Variants in SHISA6 observed in about 807,000 individuals in gnomAD.
The protein encoded by SHISA6 is shisa family member 6.
SHISA6 carries 22 observed loss-of-function variants against 47.9 expected under a neutral mutation model. That is an observed-to-expected ratio of 0.46 (90% CI 0.33 to 0.66). The LOEUF (loss-of-function observed/expected upper bound fraction) is 0.66. SHISA6 is among the 30% of genes least tolerant of loss of function. The pLI, the probability that SHISA6 is intolerant of heterozygous loss-of-function variation, is 0.02. For missense variants in SHISA6, 680 were observed against 764.6 expected (o/e 0.89, Z 1.30); for synonymous variants, 388 against 337.8 (o/e 1.15, Z -1.63).
At chr17:11,357,464 A>C (rs1225199763) in intron 2 of SHISA6, among the ~76,000 whole-genome samples, 1 of 152,176 alleles carries the variant, frequency 6.6e-6, no homozygotes, top group African/African-American at 2.4e-5. Context: ...ATTACATCCC[A>C]AAAAATGCCT....
At chr17:11,356,927 G>T (rs1027181538) in intron 2 of SHISA6, among the ~76,000 whole-genome samples, 16 of 152,160 alleles carry the variant, frequency 1.1e-4, no homozygotes, top group African/African-American at 3.9e-4. Context: ...AAGATGGCAA[G>T]ATTGGAAGGC....
intron 3 of SHISA6, among the ~76,000 whole-genome samples, chr17:11,432,057 C>G (rs1209758009): frequency 1.3e-5 from 2 of 152,154 alleles, no homozygotes; most frequent in African/African-American, 4.8e-5. Flanking sequence ...CAAAAAGATT[C>G]AAACTCACCC....
intron 2 of SHISA6, among the ~76,000 whole-genome samples, chr17:11,366,344 T>C (rs1172729288): frequency 6.6e-6 from 1 of 152,202 alleles, no homozygotes; most frequent in African/African-American, 2.4e-5. Context: ...TTCGCCTTGT[T>C]GCCCAGGCAG....
chr17:11,534,157 C>CTTTT (rs373384700), intron 3 of SHISA6, among the ~76,000 whole-genome samples: 13 of 93,190 alleles, frequency 1.4e-4, no homozygotes, highest in African/African-American at 3.5e-4. Flanking sequence ...TCTTTTTTTT[C>CTTTT]TTTTTTTTTT....
At position 11,564,011 on chromosome 17, in the gene SHISA6, T is replaced by C. The variant is rs527803051; in HGVS notation, c.*5707T>C. The C allele has an allele frequency of 3.3e-5, 5 of 152,332 alleles. No homozygotes were observed. The highest frequency in any genetic ancestry group is 9.6e-5 in the African/African-American group (4 of 41,586). The allele number at this position is 152,332 out of a possible 1,614,324, so 9.4% of individuals were successfully genotyped here. ...GATTTAGTCTTAAGGATTTTTCCAC[T>C]TTTGTCAGTAACAGATATTTATGGA... On this transcript the variant is annotated 3_prime_UTR_variant, in exon 6 of 6. Coordinates refer to ENST00000441885, the MANE Select transcript of SHISA6 (RefSeq NM_207386.4).
At chr17:11,375,623 C>G (rs1912773560) in intron 2 of SHISA6, among the ~76,000 whole-genome samples, 1 of 152,098 alleles carries the variant, frequency 6.6e-6, no homozygotes, top group Admixed American at 6.5e-5. Flanking sequence ...TTATCAGAGT[C>G]AGCCGTATCA....
chr17:11,289,540 C>T (rs1054863444), intron 2 of SHISA6: 46 of 139,090 alleles, frequency 3.3e-4, no homozygotes, highest in African/African-American at 1.2e-3. Context: ...TGAAATTGCC[C>T]TGGAAAAGAA....
chr17:11,302,508 A>G (rs1735253708), intron 2 of SHISA6, among the ~76,000 whole-genome samples: 1 of 152,172 alleles, frequency 6.6e-6, no homozygotes, highest in Non-Finnish European at 1.5e-5. Flanking sequence ...TTTTATTGCA[A>G]TAAGGGGATG....
At chr17:11,342,827 G>C (rs1911585013) in intron 2 of SHISA6, among the ~76,000 whole-genome samples, 1 of 152,212 alleles carries the variant, frequency 6.6e-6, no homozygotes. Flanking sequence ...CTGTTGTGAT[G>C]TTGGTTCTGA....
chr17:11,355,313 A>G (rs1371842613), intron 2 of SHISA6, among the ~76,000 whole-genome samples: 2 of 152,250 alleles, frequency 1.3e-5, no homozygotes, highest in Admixed American at 6.5e-5. Flanking sequence ...GTGGTATCAC[A>G]TGCTACTTCC....
At chr17:11,301,672 A>G (rs540054407) in intron 2 of SHISA6, among the ~76,000 whole-genome samples, 113 of 152,190 alleles carry the variant, frequency 7.4e-4, no homozygotes, top group African/African-American at 2.6e-3. Flanking sequence ...TGCATTTCCT[A>G]TGAACGTTCC....
At chr17:11,316,426 T>C (rs1910524730) in intron 2 of SHISA6, among the ~76,000 whole-genome samples, 1 of 145,656 alleles carries the variant, frequency 6.9e-6, no homozygotes, top group Non-Finnish European at 1.5e-5. Context: ...TCTCTTTTTT[T>C]TTTTTTTTTT....
chr17:11,336,689 G>A (rs1911334050), intron 2 of SHISA6, among the ~76,000 whole-genome samples: 1 of 152,210 alleles, frequency 6.6e-6, no homozygotes. Context: ...CACCAGCAAA[G>A]CCTTTCCCTG....
intron 3 of SHISA6, among the ~76,000 whole-genome samples, chr17:11,530,527 C>A (rs900255809): frequency 6.6e-6 from 1 of 152,126 alleles, no homozygotes; most frequent in African/African-American, 2.4e-5. Context: ...GACATTAAAA[C>A]CAGCAACAGC....
chr17:11,361,362 T>A (rs1912277986), intron 2 of SHISA6, among the ~76,000 whole-genome samples: 1 of 152,228 alleles, frequency 6.6e-6, no homozygotes, highest in Non-Finnish European at 1.5e-5. Flanking sequence ...TAAAAATAAA[T>A]TGAATTACAT....
intron 3 of SHISA6, among the ~76,000 whole-genome samples, chr17:11,489,744 C>T (rs1916429571): frequency 6.6e-6 from 1 of 152,182 alleles, no homozygotes; most frequent in Non-Finnish European, 1.5e-5. Flanking sequence ...CCCAGAGAAC[C>T]TTTGGCAATG....
At chr17:11,495,403 C>A (rs2071399760) in intron 3 of SHISA6, among the ~76,000 whole-genome samples, 1 of 152,120 alleles carries the variant, frequency 6.6e-6, no homozygotes, top group African/African-American at 2.4e-5. Flanking sequence ...TCCACAGAAG[C>A]CAAAAGAACT....
chr17:11,390,401 T>C (rs765903092), intron 3 of SHISA6, among the ~76,000 whole-genome samples: 2 of 152,142 alleles, frequency 1.3e-5, no homozygotes, highest in Non-Finnish European at 2.9e-5. Flanking sequence ...CTTCATGTTG[T>C]TGGAGTTTAA....
intron 3 of SHISA6, among the ~76,000 whole-genome samples, chr17:11,401,032 T>G (rs1416556621): frequency 1.3e-5 from 2 of 152,240 alleles, no homozygotes; most frequent in African/African-American, 4.8e-5. Flanking sequence ...TTTGCATATA[T>G]GTCATGTGTT....
Sources: allele counts gnomAD v4.1 joint callset (sites outside exome capture counted in the v4.1 genomes callset), GRCh38; gene constraint gnomAD v4.1.1; transcripts MANE v1.5; gene names NCBI Gene and HGNC (gene_info 2026-07-23, HGNC 2026-07-21).